MORC2: variants seen among roughly 807,000 people sequenced by gnomAD.
The protein encoded by MORC2 is ATPase MORC2.
A neutral mutation model predicts 136.0 loss-of-function variants in MORC2; 30 were observed. That is an observed-to-expected ratio of 0.22 (90% CI 0.17 to 0.30). MORC2 has a LOEUF of 0.30. Ranked by LOEUF, MORC2 falls within the 10% of genes least tolerant of loss-of-function variation. The pLI is 1.00. For missense variants in MORC2, 922 were observed against 1,333.1 expected, an observed-to-expected ratio of 0.69 and a Z score of 4.80; for synonymous variants, 439 against 487.0, an observed-to-expected ratio of 0.90 and a Z score of 1.30.
Position 30,958,708 on chromosome 22 carries a change from T to C in MORC2, c.69-14A>G, listed in dbSNP as rs2147308787. The C allele has an allele frequency of 6.5e-7, 1 of 1,536,130 alleles. No homozygotes were observed. Among genetic ancestry groups the C allele is most frequent in the Admixed American group, 2.0e-5 (1 of 50,824 alleles). Reference sequence around the variant, plus strand: ...TCGTGAGTGGTTCTGAAATGATAAATACTAAAAGTCAGCAAAAGAATTATT... The same window carrying C: ...TCGTGAGTGGTTCTGAAATGATAAACACTAAAAGTCAGCAAAAGAATTATT... On this transcript the variant is annotated splice_polypyrimidine_tract_variant and intron_variant, in intron 1 of 25. Coordinates refer to ENST00000397641, the MANE Select transcript of MORC2 (RefSeq NM_001303256.3).
Position 30,932,317 on chromosome 22 carries a change from G to A in MORC2, c.2841+42C>T. The A allele has an allele frequency of 6.8e-7, 1 of 1,471,088 alleles. No individual in the cohort carries two copies. The highest frequency in any genetic ancestry group is 9.4e-7 in the Non-Finnish European group (1 of 1,059,632). 91.1% of individuals were successfully genotyped at this position (1,471,088 alleles called of 1,614,324 possible). ...TACAACAAATGCAGGGGCAGGGGTGGGGGAATGAAGAGTGTGGAATCGAAG... is the reference window on the plus strand; with the variant it reads ...TACAACAAATGCAGGGGCAGGGGTGAGGGAATGAAGAGTGTGGAATCGAAG... On this transcript the variant is annotated intron_variant, in intron 24 of 25. Transcript: ENST00000397641. The surrounding 1 kb of genome is among the most constrained non-coding windows in gnomAD (Gnocchi z 4.4).
chr22:30,936,944 G>C lies in MORC2; in HGVS notation c.1592C>G (p.Pro531Arg), dbSNP rs368467051. 14 of 1,613,072 alleles carry C rather than the reference G, an allele frequency of 8.7e-6. No homozygotes were observed. In the African/African-American group the frequency reaches 1.9e-4, roughly 22 times the overall value. The change falls in exon 16 of 26, where the codon CCT becomes CGT. Residue 531 changes from proline (P) to arginine (R), a missense_variant. Transcript: ENST00000397641. ...ACAATGTGCTCACCGGTCCTGTTCA[G>C]GATCAGGGTTCATGGAGCAAACCCA... ...DTWVCSMNPD[P>R]EQDRCEASEQ...
At chr22:30,964,811 A>G (rs754758427) in intron 1 of MORC2, among the ~76,000 whole-genome samples, 9 of 152,230 alleles carry the variant, frequency 5.9e-5, no homozygotes, top group Non-Finnish European at 1.3e-4. Flanking sequence ...CACTGTCTCC[A>G]AAAGATGCTC....
At chr22:30,933,948 T>A in intron 20 of MORC2, 112 bp downstream of exon 20, 1 of 1,305,178 alleles carries the variant, frequency 7.7e-7, no homozygotes, top group Non-Finnish European at 1.1e-6. Context: ...TGCTGGTGGG[T>A]TGTGTAGACT....
At chr22:30,958,404 AACTC>A (rs912283813) in intron 2 of MORC2, among the ~76,000 whole-genome samples, 13 of 152,236 alleles carry the variant, frequency 8.5e-5, no homozygotes, top group African/African-American at 3.1e-4. Context: ...TGGAGGTGAT[AACTC>A]ACTATTTTTA....
At chr22:30,933,057 C>A in intron 21 of MORC2, 27 bp from the exon 22 acceptor site, 1 of 1,612,568 alleles carries the variant, frequency 6.2e-7, no homozygotes, top group African/African-American at 1.3e-5. Context: ...AGGTGCGAGT[C>A]AGAAAACTAG....
Position 30,932,815 on chromosome 22 carries a change from G to A in MORC2, c.2523-46C>T, listed in dbSNP as rs1448687947. ...ATGTCATGTCTGACCCGGGCTCCCA[G>A]GATGGGCTGCTGGCAGGGAGGCCGG... On this transcript the variant is annotated intron_variant, in intron 22 of 25. Transcript: ENST00000397641. The surrounding 1 kb of genome is among the most constrained non-coding windows in gnomAD (Gnocchi z 4.4). 6.8e-6 allele frequency: 11 copies of A among 1,613,224 alleles called. No homozygotes were observed. The highest frequency in any genetic ancestry group is 1.7e-4 in the Middle Eastern group (1 of 6,058).
intron 1 of MORC2, among the ~76,000 whole-genome samples, chr22:30,965,939 A>T (rs1403285202): frequency 6.6e-6 from 1 of 152,264 alleles, no homozygotes; most frequent in Non-Finnish European, 1.5e-5. Context: ...CTGTGGCCAG[A>T]TAAATCCCAC....
intron 1 of MORC2, chr22:30,967,282 T>C (rs778152233): frequency 1.9e-5 from 19 of 986,386 alleles, no homozygotes; most frequent in Admixed American, 6.1e-5. Flanking sequence ...ATAAACAAGT[T>C]GCCGTTTCCT....
chr22:30,960,737 C>T (rs954967644), intron 1 of MORC2, among the ~76,000 whole-genome samples: 2 of 149,988 alleles, frequency 1.3e-5, no homozygotes, highest in Admixed American at 6.6e-5. Context: ...GTGATCCGCC[C>T]GCCTCGGCCT....
chr22:30,937,116 C>G lies in MORC2; in HGVS notation c.1499-79G>C. The G allele has an allele frequency of 1.0e-6, 1 of 965,118 alleles. No individual in the cohort carries two copies. 59.8% of individuals were successfully genotyped at this position (965,118 alleles called of 1,614,324 possible). The stretch of plus-strand genomic sequence containing the variant: ...TAATCCGGGTTCCTCACAGGCCCAC[C>G]ACAATGATGCCCCAGACTTTGTAGG... On this transcript the variant is annotated intron_variant, in intron 15 of 25. Coordinates refer to ENST00000397641, the MANE Select transcript of MORC2 (RefSeq NM_001303256.3). This position sits in a 1 kb window ranked among gnomAD's most constrained non-coding sequence, Gnocchi z 4.7.
chr22:30,960,434 T>G (rs1013579324), intron 1 of MORC2, among the ~76,000 whole-genome samples: 8 of 152,200 alleles, frequency 5.3e-5, no homozygotes, highest in Non-Finnish European at 1.2e-4. Flanking sequence ...AGAGTTCAAA[T>G]TCTTCTGGGT....
At chr22:30,959,173 T>C (rs1333213703) in intron 1 of MORC2, among the ~76,000 whole-genome samples, 1 of 152,236 alleles carries the variant, frequency 6.6e-6, no homozygotes, top group East Asian at 1.9e-4. Context: ...TGGAGTATAG[T>C]AAGTTTTGAA....
intron 6 of MORC2, among the ~76,000 whole-genome samples, chr22:30,943,960 G>A (rs1207978775): frequency 1.3e-5 from 2 of 152,132 alleles, no homozygotes; most frequent in Non-Finnish European, 1.5e-5. Context: ...TAGAGACGGG[G>A]TTTCACCATA....
At chr22:30,963,258 G>C (rs1169429724) in intron 1 of MORC2, 1 of 961,214 alleles carries the variant, frequency 1.0e-6, no homozygotes, top group Non-Finnish European at 1.2e-6. Flanking sequence ...TTACAGGCGT[G>C]AGCCACAGCA....
Position 30,941,683 on chromosome 22 carries a change from G to T in MORC2, c.699-125C>A. ...AGGTACTGACTTCTGCTGCTGCCCT[G>T]AACTGGTGCTCCCTTAGTGTGAGCA... On this transcript the variant is annotated intron_variant, in intron 8 of 25. Transcript: ENST00000397641. This position sits in a 1 kb window ranked among gnomAD's most constrained non-coding sequence, Gnocchi z 4.6. 2.2e-6 allele frequency: 3 copies of T among 1,371,070 alleles called. No individual in the cohort carries two copies. Among genetic ancestry groups the T allele is most frequent in the Non-Finnish European group, 3.0e-6 (3 of 1,011,484 alleles). The allele number at this position is 1,371,070 out of a possible 1,614,324, so 84.9% of individuals were successfully genotyped here.
chr22:30,932,480 A>G lies in MORC2; in HGVS notation c.2748-28T>C. On this transcript the variant is annotated intron_variant, in intron 23 of 25. Coordinates refer to ENST00000397641, the MANE Select transcript of MORC2 (RefSeq NM_001303256.3). The surrounding 1 kb of genome is among the most constrained non-coding windows in gnomAD (Gnocchi z 4.4). The stretch of plus-strand genomic sequence containing the variant: ...AAAGAAGGCAGGGACAGTAATTCAG[A>G]ATGGCATGGAGCAGGCAGAGAGCTG... 1 of 1,613,044 alleles carries G rather than the reference A, an allele frequency of 6.2e-7. No homozygotes were observed.
intron 3 of MORC2, among the ~76,000 whole-genome samples, chr22:30,955,589 C>A (rs2040954765): frequency 6.6e-6 from 1 of 152,162 alleles, no homozygotes; most frequent in African/African-American, 2.4e-5. Flanking sequence ...TATTTCATTC[C>A]CATGTAAACA....
chr22:30,932,136 G>A lies in MORC2; in HGVS notation c.2841+223C>T, dbSNP rs571882535. Reference sequence around the variant, plus strand: ...CTAGCACCTGTGGTGGGAAGGGGTTGGCTTTCTGCACACCAGAGTCATATC... The same window carrying A: ...CTAGCACCTGTGGTGGGAAGGGGTTAGCTTTCTGCACACCAGAGTCATATC... On this transcript the variant is annotated intron_variant, in intron 24 of 25. Transcript: ENST00000397641. The surrounding 1 kb of genome is among the most constrained non-coding windows in gnomAD (Gnocchi z 4.4). 14 of 496,760 alleles carry A rather than the reference G, an allele frequency of 2.8e-5. No individual in the cohort carries two copies. In the East Asian group the frequency reaches 4.5e-4, roughly 16 times the overall value. 30.8% of individuals were successfully genotyped at this position (496,760 alleles called of 1,614,324 possible).
Sources: allele counts gnomAD v4.1 joint callset (sites outside exome capture counted in the v4.1 genomes callset), GRCh38; gene constraint gnomAD v4.1.1; non-coding constraint Gnocchi (gnomAD v3.1); transcripts MANE v1.5; gene names NCBI Gene and HGNC (gene_info 2026-07-23, HGNC 2026-07-21).